The following ZNF721 variants were observed in gnomAD, a reference collection of about 807,000 sequenced individuals.
ZNF721 encodes the protein zinc finger protein 721.
A neutral mutation model predicts 2.4 loss-of-function variants in ZNF721; 2 were observed. The observed-to-expected ratio is 0.82, with a 90% confidence interval of 0.34 to 2.58. The LOEUF is 2.58. Among genes scored for constraint, ZNF721 ranks in the 30% most tolerant of loss-of-function variants. ZNF721 has a pLI of 0.11. For missense variants in ZNF721, 1,187 were observed against 1,085.5 expected (o/e 1.09, Z -1.31); for synonymous variants, 398 against 381.8 (o/e 1.04, Z -0.50).
intron 1 of ZNF721, among the ~76,000 whole-genome samples, chr4:479,636 GCACCAGTGTGCCAGA>G (rs1715725532): frequency 6.6e-6 from 1 of 152,238 alleles, no homozygotes; most frequent in African/African-American, 2.4e-5. Context: ...TTGTTGGCAT[GCACCAGTGTGCCAGA>G]GGCTGGGGCC....
chr4:487,213 T>C (rs1388929884), intron 1 of ZNF721, among the ~76,000 whole-genome samples: 3 of 152,142 alleles, frequency 2.0e-5, no homozygotes, highest in Middle Eastern at 6.3e-3. Flanking sequence ...TTTCCCAAAC[T>C]TGAATCTCTT....
intron 1 of ZNF721, among the ~76,000 whole-genome samples, chr4:483,193 T>G (rs1715812783): frequency 6.6e-6 from 1 of 152,220 alleles, no homozygotes; most frequent in Non-Finnish European, 1.5e-5. Context: ...CTATTTTGGT[T>G]ACTGTGTATA....
intron 2 of ZNF721, among the ~76,000 whole-genome samples, chr4:464,982 G>A (rs905910643): frequency 2.6e-5 from 4 of 151,850 alleles, no homozygotes; most frequent in African/African-American, 9.7e-5. Flanking sequence ...CTACTCGGGA[G>A]GCTGAGGCAG....
rs782240604 is a variant in ZNF721 at position 441,831 on chromosome 4, T to C, written c.2636A>G (p.Asn879Ser). Residue 879 changes from asparagine (N) to serine (S), a missense_variant, in exon 3 of 3, where the codon AAT (asparagine) becomes AGT (serine). Transcript: ENST00000511833. ...ECGKTFRQSA[N>S]LYAHKKIHTG... is the part of the protein sequence containing the mutation. Reference sequence around the variant, plus strand: ...ATGAATTTTCTTATGCGCATAAAGATTTGCAGACTGTCTAAAGGTTTTGCC... The same window carrying C: ...ATGAATTTTCTTATGCGCATAAAGACTTGCAGACTGTCTAAAGGTTTTGCC... The C allele has an allele frequency of 8.1e-6, 13 of 1,613,808 alleles. No homozygotes were observed. The highest frequency in any genetic ancestry group is 8.5e-7 in the Non-Finnish European group (1 of 1,179,974).
intron 2 of ZNF721, among the ~76,000 whole-genome samples, chr4:461,780 G>C (rs1232617967): frequency 6.6e-6 from 1 of 152,198 alleles, no homozygotes; most frequent in Non-Finnish European, 1.5e-5. Context: ...GGCTGAGGCA[G>C]GAGAATTGCA....
chr4:445,046 G>A (rs565590935), intron 2 of ZNF721, among the ~76,000 whole-genome samples: 2 of 148,434 alleles, frequency 1.3e-5, no homozygotes, highest in Admixed American at 6.8e-5. Flanking sequence ...GTGCAGTGGC[G>A]GGATCTTGGC....
At chr4:461,377 G>C (rs1008657025) in intron 2 of ZNF721, among the ~76,000 whole-genome samples, 3 of 152,166 alleles carry the variant, frequency 2.0e-5, no homozygotes, top group Non-Finnish European at 4.4e-5. Context: ...AATAGATGCA[G>C]AAAGGGCCTT....
At chr4:474,095 T>G in intron 1 of ZNF721, 4 of 1,332,644 alleles carry the variant, frequency 3.0e-6, no homozygotes, top group Non-Finnish European at 4.0e-6. Flanking sequence ...CTCCCTGAGG[T>G]GTGGAAGCAG....
intron 1 of ZNF721, among the ~76,000 whole-genome samples, chr4:489,728 T>A (rs1223172927): frequency 1.3e-5 from 2 of 152,222 alleles, no homozygotes; most frequent in Non-Finnish European, 2.9e-5. Flanking sequence ...TGGGGAGGAA[T>A]GTAGCTGGTT....
chr4:475,780 C>A (rs1326793843), intron 1 of ZNF721, among the ~76,000 whole-genome samples: 2 of 151,868 alleles, frequency 1.3e-5, no homozygotes, highest in East Asian at 1.9e-4. Context: ...CCTCACTATA[C>A]CAAAGCTTCC....
In ZNF721 at chr4:441,057, G is replaced by C. The variant is rs2108686382; in HGVS notation, c.*638C>G. 1 of 152,320 alleles carries C rather than the reference G, an allele frequency of 6.6e-6. No individual in the cohort carries two copies. The highest frequency in any genetic ancestry group is 2.1e-4 in the South Asian group (1 of 4,824). 9.4% of individuals were successfully genotyped at this position (152,320 alleles called of 1,614,324 possible). On this transcript the variant is annotated 3_prime_UTR_variant, in exon 3 of 3. Coordinates refer to ENST00000511833, the MANE Select transcript of ZNF721 (RefSeq NM_133474.4). ...TCTCCAATATAAATTCTCTGATGTT[G>C]AACAAAGTTTAAGCAACTGCTTCAG...
At chr4:456,914 AG>A (rs1186822387) in intron 2 of ZNF721, among the ~76,000 whole-genome samples, 8 of 152,210 alleles carry the variant, frequency 5.3e-5, no homozygotes, top group Non-Finnish European at 1.2e-4. Flanking sequence ...ATGATGGAGG[AG>A]AACCTACATG....
Position 466,241 on chromosome 4 carries a change from G to A in ZNF721, c.34+6334C>T, listed in dbSNP as rs182024772. Among the ~76,000 whole-genome samples the A allele has an allele frequency of 5.9e-5, 9 of 152,202 alleles. No homozygotes were observed. The East Asian group carries it at 1.2e-3, about 20-fold the overall frequency. ...ACACTCTACCTGCCACCCTGCATGC[G>A]TGTGCACTCGCACACATGCTGTCTT... On this transcript the variant is annotated intron_variant, in intron 2 of 2. Coordinates refer to ENST00000511833, the MANE Select transcript of ZNF721 (RefSeq NM_133474.4).
chr4:487,874 G>T (rs1349038904), intron 1 of ZNF721, among the ~76,000 whole-genome samples: 1 of 152,104 alleles, frequency 6.6e-6, no homozygotes, highest in Non-Finnish European at 1.5e-5. Flanking sequence ...ATCTACACCC[G>T]AGTAGCAAAG....
At chr4:451,606 T>C (rs565258252) in intron 2 of ZNF721, among the ~76,000 whole-genome samples, 1 of 152,332 alleles carries the variant, frequency 6.6e-6, no homozygotes, top group South Asian at 2.1e-4. Flanking sequence ...CCTTCTCCAC[T>C]TCCCACTGCA....
At chr4:479,213 C>T (rs183096138) in intron 1 of ZNF721, among the ~76,000 whole-genome samples, 1 of 152,268 alleles carries the variant, frequency 6.6e-6, no homozygotes, top group Admixed American at 6.5e-5. Context: ...CACACAGTCA[C>T]GAATGTGTTT....
intron 2 of ZNF721, among the ~76,000 whole-genome samples, chr4:460,384 C>T (rs1051230813): frequency 1.3e-5 from 2 of 152,132 alleles, no homozygotes; most frequent in South Asian, 4.2e-4. Flanking sequence ...TTCTTTGAAA[C>T]CAATGAGAAC....
At chr4:465,519 C>G (rs142849545) in intron 2 of ZNF721, among the ~76,000 whole-genome samples, 8 of 151,482 alleles carry the variant, frequency 5.3e-5, no homozygotes, top group Non-Finnish European at 1.2e-4. Context: ...GCAAGCTCCG[C>G]GCCCTGGGTT....
chr4:487,566 A>C (rs1464152095), intron 1 of ZNF721, among the ~76,000 whole-genome samples: 2 of 152,228 alleles, frequency 1.3e-5, no homozygotes, highest in African/African-American at 4.8e-5. Context: ...GCTTAGTAAT[A>C]TATACACCCA....
Sources: gnomAD v4.1 joint callset for allele counts (sites outside exome capture counted in the v4.1 genomes callset) on GRCh38, gnomAD v4.1.1 for gene constraint, MANE v1.5 for transcripts, NCBI Gene and HGNC (gene_info 2026-07-23, HGNC 2026-07-21) for gene names.